FOXJ3: variants seen among roughly 807,000 people sequenced by gnomAD.
FOXJ3 encodes the protein forkhead box protein J3.
A neutral mutation model predicts 76.1 loss-of-function variants in FOXJ3; 22 were observed. That is an observed-to-expected ratio of 0.29 (90% CI 0.21 to 0.41). The LOEUF (loss-of-function observed/expected upper bound fraction) is 0.41. Among genes scored for constraint, FOXJ3 ranks in the 10% least tolerant of loss-of-function variants. The pLI is 1.00. For missense variants in FOXJ3, 613 were observed against 762.1 expected (o/e 0.80, Z 2.30); for synonymous variants, 269 against 261.2 (o/e 1.03, Z -0.29).
At chr1:42,313,550 AC>A (rs751085270) in intron 1 of FOXJ3, among the ~76,000 whole-genome samples, 18 of 152,192 alleles carry the variant, frequency 1.2e-4, no homozygotes, top group Non-Finnish European at 2.5e-4. Flanking sequence ...TCAGCCACTC[AC>A]AGCAAAATAC....
intron 3 of FOXJ3, among the ~76,000 whole-genome samples, chr1:42,275,980 A>C (rs1433832013): frequency 6.6e-6 from 1 of 152,232 alleles, no homozygotes; most frequent in African/African-American, 2.4e-5. Flanking sequence ...AAAGGGACTA[A>C]AGGAACAACT....
chr1:42,279,339 A>C (rs1652524353), intron 2 of FOXJ3, among the ~76,000 whole-genome samples: 1 of 152,348 alleles, frequency 6.6e-6, no homozygotes, highest in East Asian at 1.9e-4. Flanking sequence ...TAAATTAGGC[A>C]GTACCAGGGA....
chr1:42,206,474 G>A (rs1646864172), intron 5 of FOXJ3, among the ~76,000 whole-genome samples: 2 of 152,134 alleles, frequency 1.3e-5, no homozygotes, highest in South Asian at 2.1e-4. Context: ...AAGGAACCTC[G>A]ACATCTGAAT....
At position 42,324,104 on chromosome 1, in the gene FOXJ3, G is replaced by GTATATATAGTGTATATATACAGTA. The variant is rs1557725916; in HGVS notation, c.-18+10954_-18+10955insTACTGTATATATACACTATATATA. 8.3e-4 allele frequency among the ~76,000 whole-genome samples: 74 copies of GTATATATAGTGTATATATACAGTA among 88,950 alleles called. 3 individuals carry two copies. Among genetic ancestry groups the GTATATATAGTGTATATATACAGTA allele is most frequent in the African/African-American group, 3.4e-3 (67 of 19,726 alleles). 58.4% of individuals were successfully genotyped at this position (88,950 alleles called of 152,430 possible). A position where few individuals can be genotyped will look rare whatever the true frequency, so the allele number is the denominator to read the frequency against. On this transcript the variant is annotated intron_variant, in intron 1 of 12. Coordinates refer to ENST00000361346, the MANE Select transcript of FOXJ3 (RefSeq NM_014947.5). ...AGTATATATACTGTATATATACTGT[G>GTATATATAGTGTATATATACAGTA]TATATACACTGTATATACACAGTGT...
At chr1:42,277,391 G>T (rs111846655) in intron 3 of FOXJ3, among the ~76,000 whole-genome samples, 2,559 of 151,960 alleles carry the variant, frequency 0.017, 68 homozygotes, top group African/African-American at 0.059. Flanking sequence ...GGCCAGGCAC[G>T]GTGGCTCACG....
intron 5 of FOXJ3, among the ~76,000 whole-genome samples, chr1:42,215,559 ACTAAAAT>A (rs1401080679): frequency 9.9e-5 from 15 of 152,146 alleles, no homozygotes; most frequent in African/African-American, 3.6e-4. Context: ...AGAAATAATG[ACTAAAAT>A]CTTTGAAAAT....
At chr1:42,219,869 T>C (rs1191487699) in intron 5 of FOXJ3, among the ~76,000 whole-genome samples, 2 of 152,204 alleles carry the variant, frequency 1.3e-5, no homozygotes, top group South Asian at 2.1e-4. Flanking sequence ...CAGTGAGCCA[T>C]GGTCACAACA....
chr1:42,181,386 C>T (rs1447753294), intron 12 of FOXJ3, among the ~76,000 whole-genome samples: 1 of 152,200 alleles, frequency 6.6e-6, no homozygotes, highest in Non-Finnish European at 1.5e-5. Flanking sequence ...ACCTTCTCTA[C>T]AAGGTACTTC....
chr1:42,190,294 T>C (rs1021834026), intron 9 of FOXJ3, among the ~76,000 whole-genome samples: 4 of 152,220 alleles, frequency 2.6e-5, no homozygotes, highest in African/African-American at 9.7e-5. Context: ...TAAAAAGGGC[T>C]GGTTGGTTTG....
At chr1:42,184,562 T>C (rs371439580) in intron 11 of FOXJ3, among the ~76,000 whole-genome samples, 5 of 152,102 alleles carry the variant, frequency 3.3e-5, no homozygotes, top group African/African-American at 4.8e-5. Context: ...TTTCCAAAGA[T>C]TTCAGGCACT....
intron 6 of FOXJ3, among the ~76,000 whole-genome samples, chr1:42,199,985 G>C (rs889305118): frequency 8.9e-5 from 10 of 112,118 alleles, no homozygotes; most frequent in Non-Finnish European, 1.5e-4. Context: ...CCAGCCTGGT[G>C]ACAGAGCGAG....
chr1:42,207,978 A>G (rs146930355), intron 5 of FOXJ3, among the ~76,000 whole-genome samples: 1 of 152,352 alleles, frequency 6.6e-6, no homozygotes, highest in Non-Finnish European at 1.5e-5. Flanking sequence ...CCCTTAATTC[A>G]ACTCAGTCAT....
chr1:42,291,079 T>TAGATAGATAGACAGACAGAC (rs1553167254), intron 2 of FOXJ3, among the ~76,000 whole-genome samples: 112 of 125,640 alleles, frequency 8.9e-4, no homozygotes, highest in African/African-American at 3.2e-3. Context: ...GATAGATAGA[T>TAGATAGATAGACAGACAGAC]AGATAGACAG....
intron 6 of FOXJ3, among the ~76,000 whole-genome samples, chr1:42,204,455 C>CT (rs1646822244): frequency 6.6e-6 from 1 of 152,166 alleles, no homozygotes. Flanking sequence ...ATCATTACTA[C>CT]TTCCTAATTG....
intron 4 of FOXJ3, among the ~76,000 whole-genome samples, chr1:42,241,180 G>A (rs953131046): frequency 6.6e-6 from 1 of 152,104 alleles, no homozygotes; most frequent in African/African-American, 2.4e-5. Flanking sequence ...GAATCCCTAC[G>A]AGGGCCCTGA....
At chr1:42,205,656 T>G in intron 6 of FOXJ3, 106 bp downstream of exon 6, 1 of 702,190 alleles carries the variant, frequency 1.4e-6, no homozygotes, top group Non-Finnish European at 2.4e-6. Context: ...TAGACAAATT[T>G]ATATAATCTT....
chr1:42,273,813 T>C (rs1002636019), intron 3 of FOXJ3, among the ~76,000 whole-genome samples: 3 of 152,074 alleles, frequency 2.0e-5, no homozygotes, highest in East Asian at 3.8e-4. Flanking sequence ...TCAGAATTAG[T>C]TGACAACAGT....
intron 2 of FOXJ3, among the ~76,000 whole-genome samples, chr1:42,301,931 G>A (rs149203370): frequency 1.3e-5 from 2 of 152,040 alleles, no homozygotes; most frequent in Non-Finnish European, 2.9e-5. Context: ...TAGATAAGCC[G>A]TCTCTCCTTA....
chr1:42,223,977 CAG>C (rs1647346796), intron 5 of FOXJ3, among the ~76,000 whole-genome samples: 1 of 152,298 alleles, frequency 6.6e-6, no homozygotes, highest in South Asian at 2.1e-4. Context: ...TCAGCTTCAT[CAG>C]AGTTATTTTA....
Sources: gnomAD v4.1 joint callset for allele counts (sites outside exome capture counted in the v4.1 genomes callset) on GRCh38, gnomAD v4.1.1 for gene constraint, MANE v1.5 for transcripts, NCBI Gene and HGNC (gene_info 2026-07-23, HGNC 2026-07-21) for gene names.